GALNT10: variants seen among roughly 807,000 people sequenced by gnomAD.
The protein encoded by GALNT10 is polypeptide N-acetylgalactosaminyltransferase 10, also known as GalNAc transferase 10.
Under a neutral mutation model 75.0 loss-of-function variants are expected in GALNT10, and 41 were observed. The ratio of observed to expected loss-of-function variants is 0.55; its 90% CI spans 0.43 to 0.71. The LOEUF (loss-of-function observed/expected upper bound fraction) is 0.71. GALNT10 is among the 30% of genes least tolerant of loss of function. GALNT10 has a pLI of 0.00. For missense variants in GALNT10, 727 were observed against 818.5 expected (o/e 0.89, Z 1.36); for synonymous variants, 302 against 313.0 (o/e 0.96, Z 0.37).
chr5:154,401,422 AC>A (rs1356631628), intron 7 of GALNT10, among the ~76,000 whole-genome samples: 3 of 152,192 alleles, frequency 2.0e-5, no homozygotes, highest in African/African-American at 7.2e-5. Flanking sequence ...CCTGGGCAAT[AC>A]CCGCCAGGCA....
intron 1 of GALNT10, among the ~76,000 whole-genome samples, chr5:154,292,679 T>C (rs1368020565): frequency 1.3e-5 from 2 of 152,122 alleles, no homozygotes; most frequent in East Asian, 3.9e-4. Context: ...CAGATATATT[T>C]GTTTGCTTGT....
At chr5:154,360,461 AAAAAAC>A (rs1016150800) in intron 4 of GALNT10, among the ~76,000 whole-genome samples, 1 of 151,972 alleles carries the variant, frequency 6.6e-6, no homozygotes, top group African/African-American at 2.4e-5. Flanking sequence ...AAAAAAAAAA[AAAAAAC>A]AAAACAAAAC....
rs151041813 is a variant in GALNT10, at chr5:154,192,567, G to A, written c.159+1542G>A. Among the ~76,000 whole-genome samples the A allele has an allele frequency of 3.1e-3, 479 of 152,288 alleles. 2 individuals carry two copies. Among genetic ancestry groups the A allele is most frequent in the African/African-American group, 0.011 (464 of 41,556 alleles). On this transcript the variant is annotated intron_variant, in intron 1 of 11. Coordinates refer to ENST00000297107, the MANE Select transcript of GALNT10 (RefSeq NM_198321.4). ...GATCACCTTTCATCTCCTTTTCTGA[G>A]CCTTACTTTCTTGGTCTGTAAACCA...
chr5:154,250,901 A>G (rs1753508568), intron 1 of GALNT10, among the ~76,000 whole-genome samples: 2 of 152,062 alleles, frequency 1.3e-5, no homozygotes, highest in African/African-American at 4.8e-5. Flanking sequence ...TCTGGTTTCT[A>G]CTTTCTTGCC....
chr5:154,256,909 G>T (rs760126536), intron 1 of GALNT10, among the ~76,000 whole-genome samples: 56 of 152,078 alleles, frequency 3.7e-4, no homozygotes, highest in Non-Finnish European at 5.9e-5. Context: ...GTGCTGAGCT[G>T]TTTCATCCAT....
intron 1 of GALNT10, among the ~76,000 whole-genome samples, chr5:154,239,249 G>A (rs1753294467): frequency 6.6e-6 from 1 of 152,202 alleles, no homozygotes; most frequent in African/African-American, 2.4e-5. Flanking sequence ...TGCCACTGAA[G>A]GAGGTTCTCT....
chr5:154,271,811 T>G (rs1165919711), intron 1 of GALNT10, among the ~76,000 whole-genome samples: 2 of 152,000 alleles, frequency 1.3e-5, no homozygotes, highest in Non-Finnish European at 2.9e-5. Flanking sequence ...TCCAATAGAG[T>G]GTTTCTTAGA....
intron 4 of GALNT10, among the ~76,000 whole-genome samples, chr5:154,373,684 A>T (rs1483495389): frequency 6.6e-6 from 1 of 152,174 alleles, no homozygotes; most frequent in South Asian, 2.1e-4. Context: ...CTATGCCTTT[A>T]TGAAATGTCC....
chr5:154,396,495 A>T (rs1756022189), intron 7 of GALNT10, among the ~76,000 whole-genome samples: 1 of 51,770 alleles, frequency 1.9e-5, no homozygotes, highest in Admixed American at 2.2e-4. Context: ...GTGGGTCCAG[A>T]CCTTAGGAAA....
At chr5:154,371,340 A>T (rs1016464069) in intron 4 of GALNT10, among the ~76,000 whole-genome samples, 1 of 152,106 alleles carries the variant, frequency 6.6e-6, no homozygotes, top group Non-Finnish European at 1.5e-5. Context: ...ATAAAGCCAC[A>T]TTCACAACAA....
chr5:154,323,758 G>A (rs567794717), intron 3 of GALNT10, among the ~76,000 whole-genome samples: 1 of 152,304 alleles, frequency 6.6e-6, no homozygotes, highest in Admixed American at 6.5e-5. Flanking sequence ...GGCTTGTCTT[G>A]AACATTATCT....
chr5:154,283,583 AAAG>A (rs1226037021), intron 1 of GALNT10, among the ~76,000 whole-genome samples: 55 of 152,210 alleles, frequency 3.6e-4, no homozygotes, highest in East Asian at 1.9e-4. Flanking sequence ...TAAGAGAAAC[AAAG>A]AAGAAGAGTT....
intron 7 of GALNT10, among the ~76,000 whole-genome samples, chr5:154,393,859 A>G (rs902996294): frequency 1.3e-5 from 2 of 152,162 alleles, no homozygotes; most frequent in Non-Finnish European, 2.9e-5. Flanking sequence ...AAGAAAAAAA[A>G]AATAAGAAAA....
chr5:154,404,693 G>A (rs888892486), intron 8 of GALNT10, among the ~76,000 whole-genome samples: 4 of 152,184 alleles, frequency 2.6e-5, no homozygotes, highest in Admixed American at 2.6e-4. Context: ...CAGAGGTGAT[G>A]TAAAAAAACA....
intron 6 of GALNT10, among the ~76,000 whole-genome samples, chr5:154,382,183 A>G (rs893826627): frequency 7.2e-5 from 11 of 152,172 alleles, no homozygotes; most frequent in African/African-American, 9.6e-5. Context: ...CCCTAACACT[A>G]TGAGCCCCAG....
chr5:154,415,110 T>G (rs1202062896), intron 10 of GALNT10, among the ~76,000 whole-genome samples: 2 of 151,770 alleles, frequency 1.3e-5, no homozygotes, highest in African/African-American at 4.8e-5. Flanking sequence ...ACAACAAGAG[T>G]GAAGCTCCGT....
chr5:154,310,006 A>T (rs1348729835), intron 3 of GALNT10, among the ~76,000 whole-genome samples: 2 of 152,182 alleles, frequency 1.3e-5, no homozygotes, highest in African/African-American at 4.8e-5. Flanking sequence ...TGTGGCGTGC[A>T]GTGTAATGGA....
At chr5:154,361,465 C>T (rs544402608) in intron 4 of GALNT10, among the ~76,000 whole-genome samples, 1 of 152,330 alleles carries the variant, frequency 6.6e-6, no homozygotes, top group Admixed American at 6.5e-5. Context: ...GTGCAGAGTA[C>T]ACTCTTACTA....
chr5:154,410,983 C>A (rs1386226323), intron 9 of GALNT10, among the ~76,000 whole-genome samples: 4 of 152,216 alleles, frequency 2.6e-5, no homozygotes, highest in African/African-American at 9.6e-5. Context: ...GCCCGTGAGG[C>A]CCATGCTGGC....
Sources: allele counts gnomAD v4.1 joint callset (sites outside exome capture counted in the v4.1 genomes callset), GRCh38; gene constraint gnomAD v4.1.1; transcripts MANE v1.5; gene names NCBI Gene and HGNC (gene_info 2026-07-23, HGNC 2026-07-21).